Variants in AP5M1 observed in about 807,000 individuals in gnomAD.
AP5M1 encodes the protein AP-5 complex subunit mu-1.
AP5M1 carries 44 observed loss-of-function variants against 52.3 expected under a neutral mutation model. That is an observed-to-expected ratio of 0.84 (90% confidence interval 0.66 to 1.08). AP5M1 has a LOEUF of 1.08. Among genes scored for constraint, AP5M1 ranks in the 50% least tolerant of loss-of-function variants. The pLI, the probability that AP5M1 is intolerant of heterozygous loss-of-function variation, is 0.00. For synonymous variants in AP5M1, 213 were observed against 199.0 expected (o/e 1.07, Z -0.59); for missense variants, 526 against 568.4 (o/e 0.93, Z 0.76).
chr14:57,280,484 G>A, intron 3 of AP5M1, 62 bp downstream of exon 3: 2 of 1,080,476 alleles, frequency 1.9e-6, no homozygotes, highest in East Asian at 2.4e-5. Context: ...CTATTGATAA[G>A]TAGATAATTC....
At chr14:57,278,819 A>G (rs1885099977) in intron 2 of AP5M1, among the ~76,000 whole-genome samples, 1 of 152,192 alleles carries the variant, frequency 6.6e-6, no homozygotes, top group Non-Finnish European at 1.5e-5. Flanking sequence ...GCAGGGTAGA[A>G]AATTTTTAAG....
chr14:57,273,917 C>A (rs1425498618), intron 1 of AP5M1, among the ~76,000 whole-genome samples: 1 of 152,126 alleles, frequency 6.6e-6, no homozygotes, highest in Non-Finnish European at 1.5e-5. Flanking sequence ...AGTATATACT[C>A]CTTGCTGACC....
At chr14:57,275,323 A>G (rs1024794477) in intron 2 of AP5M1, 3 of 202,144 alleles carry the variant, frequency 1.5e-5, no homozygotes, top group East Asian at 1.8e-4. Flanking sequence ...TCCTTTCCAC[A>G]TGGACTTCTC....
rs1885221603 is a variant in AP5M1, at chr14:57,283,037, AT to A, written c.1174+20del. The stretch of plus-strand genomic sequence containing the variant: ...GATTATTGGTGAGCAAGTTTTATTT[AT>A]TGATTTTTTTTCTTTTCATTTACTG... On this transcript the variant is annotated intron_variant, in intron 5 of 7. Transcript: ENST00000261558. The A allele has an allele frequency of 1.3e-6, 2 of 1,578,512 alleles. No individual in the cohort carries two copies. Among genetic ancestry groups the A allele is most frequent in the East Asian group, 4.5e-5 (2 of 44,354 alleles).
Position 57,274,720 on chromosome 14 carries a change from C to G in AP5M1, c.551C>G (p.Thr184Ser). ...AACTTACAGAATTCATTAGATAATACCAATTTTGCATCTGTGACTCAGCCA... is the reference window on the plus strand; with the variant it reads ...AACTTACAGAATTCATTAGATAATAGCAATTTTGCATCTGTGACTCAGCCA... ...DANLQNSLDN[T>S]NFASVTQPQK... is the part of the protein sequence containing the mutation. The change falls in exon 2 of 8, where the codon ACC (threonine) becomes AGC (serine). Residue 184 changes from threonine (T) to serine (S), a missense_variant. Thr to Ser is a moderately conservative substitution (Grantham distance 58, BLOSUM62 1). Around this residue, in one of 3 missense-constraint regions of AP5M1, gnomAD observed 425 missense variants for 430.6 expected, o/e 0.99. Coordinates refer to ENST00000261558, the MANE Select transcript of AP5M1 (RefSeq NM_018229.4). 1 of 1,614,132 alleles carries G rather than the reference C, an allele frequency of 6.2e-7. No homozygotes were observed. Among genetic ancestry groups the G allele is most frequent in the Non-Finnish European group, 8.5e-7 (1 of 1,180,030 alleles).
intron 3 of AP5M1, among the ~76,000 whole-genome samples, chr14:57,281,026 A>G (rs1324415844): frequency 6.6e-6 from 1 of 152,144 alleles, no homozygotes; most frequent in Non-Finnish European, 1.5e-5. Context: ...AACCATGAAC[A>G]TAAAATACCC....
chr14:57,274,711 T>A lies in AP5M1; in HGVS notation c.542T>A (p.Leu181Ter). 1 of 1,614,222 alleles carries A rather than the reference T, an allele frequency of 6.2e-7. No individual in the cohort carries two copies. Among genetic ancestry groups the A allele is most frequent in the Non-Finnish European group, 8.5e-7 (1 of 1,180,042 alleles). ...TTAGATGCCAACTTACAGAATTCAT[T>A]AGATAATACCAATTTTGCATCTGTG... Reference protein sequence around the residue: ...TLLDANLQNSLDNTNFASVTQ... With the variant: ...TLLDANLQNS Residue 181 changes from leucine (L) to a stop codon, truncating the protein, a stop_gained, in exon 2 of 8, where the codon TTA (leucine) becomes TAA (stop). Transcript: ENST00000261558. LOFTEE classifies it high-confidence loss of function.
rs777322241 is a variant in AP5M1, at chr14:57,282,133, A to G, written c.993A>G (p.Glu331=). Residue 331 remains glutamate, a synonymous_variant, in exon 4 of 8, where the codon GAA becomes GAG. Coordinates refer to ENST00000261558, the MANE Select transcript of AP5M1 (RefSeq NM_018229.4). ...PILGFYQMKE[E]EVQLRITINL... ...TGGGTTTTTATCAAATGAAGGAGGA[A>G]GAAGTACAACTAAGAATAACCATTA... is the stretch of plus-strand genomic sequence containing the variant. The G allele has an allele frequency of 6.3e-7, 1 of 1,579,664 alleles. No homozygotes were observed. Among genetic ancestry groups the G allele is most frequent in the South Asian group, 1.2e-5 (1 of 82,818 alleles).
At chr14:57,288,597 A>C (rs1885364202) in intron 7 of AP5M1, among the ~76,000 whole-genome samples, 1 of 152,108 alleles carries the variant, frequency 6.6e-6, no homozygotes, top group Admixed American at 6.6e-5. Context: ...ATAAGGTCAA[A>C]GATGGATTCT....
chr14:57,269,984 A>G (rs1220120410), intron 1 of AP5M1, among the ~76,000 whole-genome samples: 1 of 151,742 alleles, frequency 6.6e-6, no homozygotes, highest in African/African-American at 2.4e-5. Flanking sequence ...AATTTTTTGT[A>G]TTTTTGGTAG....
rs1015514829 is a variant in AP5M1, at chr14:57,298,074, T to G, written c.*9190T>G. The G allele has an allele frequency of 6.6e-6, 1 of 152,204 alleles. No homozygotes were observed. Among genetic ancestry groups the G allele is most frequent in the Non-Finnish European group, 1.5e-5 (1 of 68,030 alleles). 9.4% of individuals were successfully genotyped at this position (152,204 alleles called of 1,614,324 possible). A position where few individuals can be genotyped will look rare whatever the true frequency, so the allele number is the denominator to read the frequency against. ...CATCATAGGACACGTTCCTTGCAGT[T>G]ATGCTTCAGTGAACTTTAAAACATT... On this transcript the variant is annotated 3_prime_UTR_variant, in exon 8 of 8. Coordinates refer to ENST00000261558, the MANE Select transcript of AP5M1 (RefSeq NM_018229.4).
Position 57,292,159 on chromosome 14 carries a change from C to T in AP5M1, c.*3275C>T, listed in dbSNP as rs1885451675. ...GCTGAAAGGAAAAGGAGGCAAAAAGCTAAACATGGGATGAATTCTGAACCT... is the reference window on the plus strand; with the variant it reads ...GCTGAAAGGAAAAGGAGGCAAAAAGTTAAACATGGGATGAATTCTGAACCT... On this transcript the variant is annotated 3_prime_UTR_variant, in exon 8 of 8. Coordinates refer to ENST00000261558, the MANE Select transcript of AP5M1 (RefSeq NM_018229.4). 6.6e-6 allele frequency: 1 copy of T among 151,860 alleles called. No homozygotes were observed. Among genetic ancestry groups the T allele is most frequent in the Admixed American group, 6.6e-5 (1 of 15,200 alleles). 9.4% of individuals were successfully genotyped at this position (151,860 alleles called of 1,614,324 possible).
In AP5M1 at chr14:57,274,734, G is replaced by C. The variant is rs779568693; in HGVS notation, c.565G>C (p.Val189Leu). ...NSLDNTNFAS[V>L]TQPQKQPAWK... ...ATTAGATAATACCAATTTTGCATCT[G>C]TGACTCAGCCACAGAAACAGCCAGC... is the stretch of plus-strand genomic sequence containing the variant. Residue 189 changes from valine to leucine, a missense_variant, in exon 2 of 8, where the codon GTG becomes CTG. Physicochemically the swap from Val to Leu is conservative, Grantham distance 32. Transcript: ENST00000261558. 5.6e-6 allele frequency: 9 copies of C among 1,614,184 alleles called. No individual in the cohort carries two copies. The South Asian group carries it at 9.9e-5, about 18-fold the overall frequency.
Position 57,296,094 on chromosome 14 carries a change from G to A in AP5M1, c.*7210G>A, listed in dbSNP as rs983737023. 2.0e-5 allele frequency: 3 copies of A among 151,908 alleles called. No individual in the cohort carries two copies. Among genetic ancestry groups the A allele is most frequent in the Middle Eastern group, 3.4e-3 (1 of 294 alleles). 9.4% of individuals were successfully genotyped at this position (151,908 alleles called of 1,614,324 possible). ...AAGTTAGTAATTAAAAATTTAGAAGGAATTTTAGCCTTTACCTTTCTAAAA... is the reference window on the plus strand; with the variant it reads ...AAGTTAGTAATTAAAAATTTAGAAGAAATTTTAGCCTTTACCTTTCTAAAA... On this transcript the variant is annotated 3_prime_UTR_variant, in exon 8 of 8. Coordinates refer to ENST00000261558, the MANE Select transcript of AP5M1 (RefSeq NM_018229.4).
Position 57,286,263 on chromosome 14 carries a change from A to G in AP5M1, c.1334A>G (p.Tyr445Cys). 3 of 1,613,150 alleles carry G rather than the reference A, an allele frequency of 1.9e-6. No homozygotes were observed. Among genetic ancestry groups the G allele is most frequent in the South Asian group, 1.1e-5 (1 of 91,024 alleles). Residue 445 changes from tyrosine to cysteine, a missense_variant, in exon 7 of 8, where the codon TAT (tyrosine) becomes TGT (cysteine). Coordinates refer to ENST00000261558, the MANE Select transcript of AP5M1 (RefSeq NM_018229.4). ...RILDYTLTGC[Y>C]ADQHSVQVFA... The stretch of plus-strand genomic sequence containing the variant: ...TTAGATTACACACTTACTGGATGTT[A>G]TGCAGATCAGCATTCAGTTCAAGTT...
chr14:57,294,388 C>A lies in AP5M1; in HGVS notation c.*5504C>A, dbSNP rs1885506533. The A allele has an allele frequency of 6.6e-6, 1 of 151,600 alleles. No homozygotes were observed. The highest frequency in any genetic ancestry group is 1.5e-5 in the Non-Finnish European group (1 of 67,764). 9.4% of individuals were successfully genotyped at this position (151,600 alleles called of 1,614,324 possible). On this transcript the variant is annotated 3_prime_UTR_variant, in exon 8 of 8. Coordinates refer to ENST00000261558, the MANE Select transcript of AP5M1 (RefSeq NM_018229.4). ...ATGAAAAATTTAAAAATTAGTTATT[C>A]CTCTTAAATTTTTACTTTTTCCTTC...
intron 1 of AP5M1, among the ~76,000 whole-genome samples, chr14:57,273,916 T>A (rs1367713388): frequency 6.6e-6 from 1 of 152,204 alleles, no homozygotes; most frequent in Non-Finnish European, 1.5e-5. Flanking sequence ...AAGTATATAC[T>A]CCTTGCTGAC....
chr14:57,282,450 A>G (rs1010378354), intron 4 of AP5M1, among the ~76,000 whole-genome samples: 4 of 152,164 alleles, frequency 2.6e-5, no homozygotes, highest in Non-Finnish European at 2.9e-5. Flanking sequence ...TTATACACTT[A>G]AGCCAATGTA....
intron 2 of AP5M1, among the ~76,000 whole-genome samples, chr14:57,277,336 TAA>T (rs1468671608): frequency 1.3e-5 from 2 of 152,164 alleles, no homozygotes; most frequent in Admixed American, 6.5e-5. Flanking sequence ...TTACGAATGT[TAA>T]GAGATTAATT....
Sources: gnomAD v4.1 joint callset for allele counts (sites outside exome capture counted in the v4.1 genomes callset) on GRCh38, gnomAD v4.1.1 for gene constraint, gnomAD v4.1.1 regional missense constraint, MANE v1.5 for transcripts, NCBI Gene and HGNC (gene_info 2026-07-23, HGNC 2026-07-21) for gene names.